Variants in SPIDR observed in about 807,000 individuals in gnomAD.
The protein encoded by SPIDR is DNA repair-scaffolding protein.
A neutral mutation model predicts 104.6 loss-of-function variants in SPIDR; 93 were observed. The ratio of observed to expected loss-of-function variants is 0.89; its 90% CI spans 0.75 to 1.06. SPIDR has a LOEUF of 1.06. Ranked by LOEUF, SPIDR falls within the 50% of genes least tolerant of loss-of-function variation. The pLI, the probability that SPIDR is intolerant of heterozygous loss-of-function variation, is 0.00. For missense variants in SPIDR, 1,154 were observed against 1,111.2 expected, an observed-to-expected ratio of 1.04 and a Z score of -0.55; for synonymous variants, 431 against 416.9, an observed-to-expected ratio of 1.03 and a Z score of -0.41.
At chr8:47,531,111 G>A (rs1361054366) in intron 8 of SPIDR, among the ~76,000 whole-genome samples, 2 of 152,042 alleles carry the variant, frequency 1.3e-5, no homozygotes, top group African/African-American at 4.8e-5. Context: ...TGCGCAGGTT[G>A]GTCCCAAACT....
At chr8:47,713,684 A>T in intron 16 of SPIDR, 43 bp downstream of exon 16, 2 of 1,606,496 alleles carry the variant, frequency 1.2e-6, no homozygotes, top group South Asian at 2.2e-5. Context: ...TACTTTCTTA[A>T]CTGTTATACT....
chr8:47,698,511 G>C (rs2079670713), intron 11 of SPIDR, among the ~76,000 whole-genome samples: 1 of 152,192 alleles, frequency 6.6e-6, no homozygotes, highest in South Asian at 2.1e-4. Flanking sequence ...GATTTTTTAT[G>C]AGACTAAGCA....
chr8:47,610,720 A>ACAC (rs2063496821), intron 10 of SPIDR, among the ~76,000 whole-genome samples: 1 of 152,158 alleles, frequency 6.6e-6, no homozygotes, highest in Non-Finnish European at 1.5e-5. Flanking sequence ...CTTGGGTTGG[A>ACAC]CACCCCCTTC....
chr8:47,669,122 T>C (rs1001972893), intron 10 of SPIDR, among the ~76,000 whole-genome samples: 6 of 152,210 alleles, frequency 3.9e-5, no homozygotes, highest in African/African-American at 1.2e-4. Flanking sequence ...TCCAAAGTTA[T>C]TAACATAATG....
chr8:47,721,972 A>G (rs1214752449), intron 16 of SPIDR, among the ~76,000 whole-genome samples: 1 of 152,212 alleles, frequency 6.6e-6, no homozygotes, highest in Non-Finnish European at 1.5e-5. Context: ...AGGTGGGGAA[A>G]AAATGACATG....
intron 8 of SPIDR, among the ~76,000 whole-genome samples, chr8:47,462,006 C>A (rs1404572690): frequency 1.3e-5 from 2 of 151,878 alleles, no homozygotes; most frequent in African/African-American, 4.8e-5. Flanking sequence ...GTCATATTAC[C>A]GGAATTGTTT....
intron 10 of SPIDR, among the ~76,000 whole-genome samples, chr8:47,647,291 G>T (rs995794323): frequency 1.3e-5 from 2 of 152,142 alleles, no homozygotes; most frequent in Non-Finnish European, 2.9e-5. Flanking sequence ...TTATTTGGGG[G>T]AAGACTGGCC....
intron 7 of SPIDR, among the ~76,000 whole-genome samples, chr8:47,413,115 G>T (rs1464256236): frequency 3.9e-5 from 6 of 152,238 alleles, no homozygotes; most frequent in African/African-American, 1.4e-4. Flanking sequence ...GTGTTGGGTT[G>T]TGGTGGATGG....
At chr8:47,402,150 C>T (rs1452558737) in intron 6 of SPIDR, among the ~76,000 whole-genome samples, 1 of 152,180 alleles carries the variant, frequency 6.6e-6, no homozygotes, top group Non-Finnish European at 1.5e-5. Flanking sequence ...GACCACAGTG[C>T]AATCAAATGG....
chr8:47,529,637 A>G (rs759009690), intron 8 of SPIDR, among the ~76,000 whole-genome samples: 1 of 152,166 alleles, frequency 6.6e-6, no homozygotes, highest in Non-Finnish European at 1.5e-5. Flanking sequence ...TCAGAAATTG[A>G]GATATACATA....
At chr8:47,311,923 A>T (rs1468317171) in intron 5 of SPIDR, among the ~76,000 whole-genome samples, 4 of 151,808 alleles carry the variant, frequency 2.6e-5, no homozygotes, top group Non-Finnish European at 4.4e-5. Flanking sequence ...CCTGTGTCCA[A>T]GTGTTCTCAT....
intron 10 of SPIDR, among the ~76,000 whole-genome samples, chr8:47,612,822 A>G (rs1346469004): frequency 1.3e-5 from 2 of 152,156 alleles, no homozygotes; most frequent in African/African-American, 4.8e-5. Flanking sequence ...CCATTTACTT[A>G]TATGCATTTA....
intron 10 of SPIDR, among the ~76,000 whole-genome samples, chr8:47,670,975 C>T (rs2075710811): frequency 6.6e-6 from 1 of 151,994 alleles, no homozygotes; most frequent in South Asian, 2.1e-4. Flanking sequence ...GTGGCACAGT[C>T]GTAGCTCATT....
At chr8:47,721,784 G>A (rs1209218758) in intron 16 of SPIDR, among the ~76,000 whole-genome samples, 6 of 152,042 alleles carry the variant, frequency 3.9e-5, no homozygotes, top group African/African-American at 7.2e-5. Flanking sequence ...CAATTACTGC[G>A]ACTTTTAAGT....
At chr8:47,572,399 C>T (rs570440073) in intron 8 of SPIDR, among the ~76,000 whole-genome samples, 93 of 152,270 alleles carry the variant, frequency 6.1e-4, no homozygotes, top group Middle Eastern at 3.4e-3. Flanking sequence ...CACGGTGGCT[C>T]ATGCCTGTAA....
intron 8 of SPIDR, among the ~76,000 whole-genome samples, chr8:47,572,673 A>AAATAAAT (rs780386853): frequency 2.2e-4 from 32 of 145,874 alleles, no homozygotes; most frequent in African/African-American, 2.2e-4. Flanking sequence ...AAATTAAATT[A>AAATAAAT]AAATAAATAA....
chr8:47,596,635 G>C (rs898258604), intron 9 of SPIDR, among the ~76,000 whole-genome samples: 1 of 152,018 alleles, frequency 6.6e-6, no homozygotes, highest in Non-Finnish European at 1.5e-5. Flanking sequence ...TATAAACCCT[G>C]AACACTTGCA....
chr8:47,277,165 T>G (rs989272268), intron 1 of SPIDR: 3 of 152,288 alleles, frequency 2.0e-5, no homozygotes, highest in Non-Finnish European at 2.9e-5. Flanking sequence ...CGATCTCAGG[T>G]GATCTGTCCA....
At chr8:47,635,869 C>T (rs774552261) in intron 10 of SPIDR, among the ~76,000 whole-genome samples, 5 of 152,208 alleles carry the variant, frequency 3.3e-5, no homozygotes, top group Non-Finnish European at 7.3e-5. Flanking sequence ...TACATGTTGG[C>T]TTTCTGTGTA....
Sources: allele counts gnomAD v4.1 joint callset (sites outside exome capture counted in the v4.1 genomes callset), GRCh38; gene constraint gnomAD v4.1.1; transcripts MANE v1.5; gene names NCBI Gene and HGNC (gene_info 2026-07-23, HGNC 2026-07-21).